Variants in KPNA4 observed in about 807,000 individuals in gnomAD.
KPNA4 encodes importin subunit alpha-3.
In KPNA4, 13 loss-of-function variants were observed where a neutral mutation model predicts 71.3. That is an observed-to-expected ratio of 0.18 (90% CI 0.12 to 0.29). The LOEUF (loss-of-function observed/expected upper bound fraction) is 0.29. Ranked by LOEUF, KPNA4 falls within the 10% of genes least tolerant of loss-of-function variation. The pLI, the probability that KPNA4 is intolerant of heterozygous loss-of-function variation, is 1.00. For synonymous variants in KPNA4, 189 were observed against 195.2 expected (o/e 0.97, Z 0.26); for missense variants, 334 against 603.2 (o/e 0.55, Z 4.67).
intron 1 of KPNA4, among the ~76,000 whole-genome samples, chr3:160,553,206 G>A (rs1238341838): frequency 6.6e-6 from 1 of 152,014 alleles, no homozygotes; most frequent in Non-Finnish European, 1.5e-5. Context: ...TCTTTCCGGG[G>A]GTGCTCCTGA....
At chr3:160,519,615 A>G (rs1432214897) in intron 11 of KPNA4, among the ~76,000 whole-genome samples, 1 of 151,484 alleles carries the variant, frequency 6.6e-6, no homozygotes, top group Non-Finnish European at 1.5e-5. Flanking sequence ...TAACAAGGTG[A>G]AACCCCGTCT....
chr3:160,517,053 T>C (rs1173510607), intron 11 of KPNA4, among the ~76,000 whole-genome samples: 1 of 152,036 alleles, frequency 6.6e-6, no homozygotes, highest in Non-Finnish European at 1.5e-5. Flanking sequence ...TGTGTAACTA[T>C]TACTAGTATC....
chr3:160,541,239 A>T (rs1243628071), intron 1 of KPNA4, among the ~76,000 whole-genome samples: 1 of 152,226 alleles, frequency 6.6e-6, no homozygotes, highest in Non-Finnish European at 1.5e-5. Context: ...TTAAAATATG[A>T]CATAGTAATT....
chr3:160,503,621 C>T (rs1205881534), intron 16 of KPNA4, among the ~76,000 whole-genome samples: 1 of 152,080 alleles, frequency 6.6e-6, no homozygotes, highest in African/African-American at 2.4e-5. Context: ...AGTGTACTTC[C>T]TATAACTATG....
chr3:160,544,987 T>A (rs1302943439), intron 1 of KPNA4, among the ~76,000 whole-genome samples: 1 of 152,234 alleles, frequency 6.6e-6, no homozygotes, highest in Non-Finnish European at 1.5e-5. Flanking sequence ...AACTATTTCA[T>A]TTTATGGAGA....
intron 12 of KPNA4, chr3:160,514,911 A>T (rs1721174750): frequency 1.9e-6 from 1 of 513,672 alleles, no homozygotes; most frequent in South Asian, 1.4e-5. Context: ...GCTCTTTTGG[A>T]TCAGATCACA....
chr3:160,508,813 TC>T (rs1031479374), intron 14 of KPNA4, among the ~76,000 whole-genome samples: 1 of 152,082 alleles, frequency 6.6e-6, no homozygotes, highest in Non-Finnish European at 1.5e-5. Flanking sequence ...AGCCACTGCA[TC>T]CCGCCTGGAT....
chr3:160,530,952 A>C lies in KPNA4; in HGVS notation c.384-12T>G, dbSNP rs1721563071. Reference sequence around the variant, plus strand: ...ACTGTAAAGAAGGACTACAAAAAAAAACAAGTATTTTTAAACAGCAGGGAT... The same window carrying C: ...ACTGTAAAGAAGGACTACAAAAAAACACAAGTATTTTTAAACAGCAGGGAT... On this transcript the variant is annotated splice_polypyrimidine_tract_variant and intron_variant, in intron 6 of 16. Coordinates refer to ENST00000334256, the MANE Select transcript of KPNA4 (RefSeq NM_002268.5). The C allele has an allele frequency of 6.3e-7, 1 of 1,591,380 alleles. No individual in the cohort carries two copies. Among genetic ancestry groups the C allele is most frequent in the Non-Finnish European group, 8.6e-7 (1 of 1,167,128 alleles).
chr3:160,560,589 C>G (rs1263037974), intron 1 of KPNA4, among the ~76,000 whole-genome samples: 2 of 151,560 alleles, frequency 1.3e-5, no homozygotes, highest in African/African-American at 2.4e-5. Flanking sequence ...TAAAAACTAC[C>G]TTTGCATTTT....
chr3:160,523,388 C>T (rs1481131559), intron 10 of KPNA4, among the ~76,000 whole-genome samples: 1 of 151,878 alleles, frequency 6.6e-6, no homozygotes, highest in African/African-American at 2.4e-5. Context: ...AAACTGTAAA[C>T]TAATGTTATG....
chr3:160,523,447 A>C (rs190744543), intron 10 of KPNA4, among the ~76,000 whole-genome samples: 2 of 152,348 alleles, frequency 1.3e-5, no homozygotes, highest in East Asian at 3.9e-4. Context: ...AAAAACCAAA[A>C]AGACACCCCG....
In KPNA4 at chr3:160,562,498, T is replaced by G. The variant is rs528349765; in HGVS notation, c.69+2716A>C. On this transcript the variant is annotated intron_variant, in intron 1 of 16. Transcript: ENST00000334256. ...AAGGGTGATTAAGTGTTTAGAGAGA[T>G]ACAGCATATATGTAAGTAGGCTGAT... Among the ~76,000 whole-genome samples the G allele has an allele frequency of 9.7e-4, 147 of 152,300 alleles. 2 individuals are homozygous for G. The highest frequency in any genetic ancestry group is 2.3e-3 in the East Asian group (12 of 5,192).
At chr3:160,556,545 T>C (rs1188241849) in intron 1 of KPNA4, among the ~76,000 whole-genome samples, 2 of 152,232 alleles carry the variant, frequency 1.3e-5, no homozygotes, top group East Asian at 1.9e-4. Context: ...TGTGAAATGC[T>C]TGGGAACACA....
chr3:160,497,880 T>C lies in KPNA4; in HGVS notation c.*4224A>G, dbSNP rs756768410. The C allele has an allele frequency of 2.6e-4, 40 of 152,126 alleles. 1 individual carries two copies. The highest frequency in any genetic ancestry group is 1.2e-3 in the Admixed American group (19 of 15,270). 9.4% of individuals were successfully genotyped at this position (152,126 alleles called of 1,614,324 possible). On this transcript the variant is annotated 3_prime_UTR_variant, in exon 17 of 17. Transcript: ENST00000334256. ...TAATAGCTACAATGGAAGATTCAATTTTGGAAACTCAAAAAGGTCAACTAA... is the reference window on the plus strand; with the variant it reads ...TAATAGCTACAATGGAAGATTCAATCTTGGAAACTCAAAAAGGTCAACTAA...
At chr3:160,522,583 G>C (rs1037573841) in intron 10 of KPNA4, among the ~76,000 whole-genome samples, 1 of 151,936 alleles carries the variant, frequency 6.6e-6, no homozygotes, top group Admixed American at 6.6e-5. Context: ...TCAGCCTCCC[G>C]AGTAGCTGGG....
chr3:160,538,358 G>C (rs1485692812), intron 1 of KPNA4, among the ~76,000 whole-genome samples: 1 of 152,036 alleles, frequency 6.6e-6, no homozygotes, highest in African/African-American at 2.4e-5. Flanking sequence ...ATGCAACAAA[G>C]AGGTGATTTT....
intron 13 of KPNA4, among the ~76,000 whole-genome samples, chr3:160,513,651 C>A (rs139297594): frequency 6.6e-6 from 1 of 152,074 alleles, no homozygotes; most frequent in Non-Finnish European, 1.5e-5. Context: ...TACTTATTTG[C>A]TATTTGATTT....
intron 14 of KPNA4, among the ~76,000 whole-genome samples, chr3:160,508,670 T>C (rs1470817932): frequency 6.6e-6 from 1 of 152,040 alleles, no homozygotes; most frequent in Non-Finnish European, 1.5e-5. Flanking sequence ...TCTCACTATG[T>C]TGCGCAGGAT....
chr3:160,553,107 G>A (rs1722073827), intron 1 of KPNA4, among the ~76,000 whole-genome samples: 1 of 152,216 alleles, frequency 6.6e-6, no homozygotes. Context: ...GATTATGACA[G>A]TGAGTAGAAA....
Sources: allele counts gnomAD v4.1 joint callset (sites outside exome capture counted in the v4.1 genomes callset), GRCh38; gene constraint gnomAD v4.1.1; transcripts MANE v1.5; gene names NCBI Gene and HGNC (gene_info 2026-07-23, HGNC 2026-07-21).